Variants in FAM13A observed in about 807,000 individuals in gnomAD.
FAM13A encodes protein FAM13A.
A neutral mutation model predicts 129.6 loss-of-function variants in FAM13A; 76 were observed. The ratio of observed to expected loss-of-function variants is 0.59; its 90% CI spans 0.49 to 0.71. The LOEUF is 0.71. Ranked by LOEUF, FAM13A falls within the 30% of genes least tolerant of loss-of-function variation. FAM13A has a pLI of 0.00. For missense variants in FAM13A, 1,108 were observed against 1,249.3 expected, an observed-to-expected ratio of 0.89 and a Z score of 1.70; for synonymous variants, 443 against 449.9, an observed-to-expected ratio of 0.98 and a Z score of 0.20.
intron 14 of FAM13A, among the ~76,000 whole-genome samples, chr4:88,757,523 A>C (rs774893256): frequency 1.8e-4 from 28 of 152,230 alleles, no homozygotes; most frequent in Non-Finnish European, 3.4e-4. Context: ...AAATGAAAGA[A>C]CAGAAAGGTA....
At chr4:89,001,279 G>A (rs1324311742) in intron 3 of FAM13A, among the ~76,000 whole-genome samples, 1 of 152,158 alleles carries the variant, frequency 6.6e-6, no homozygotes, top group East Asian at 1.9e-4. Flanking sequence ...TGGGTTTCCT[G>A]CCACCAGATT....
At chr4:88,852,548 A>C (rs59812780) in intron 6 of FAM13A, among the ~76,000 whole-genome samples, 12,635 of 152,150 alleles carry the variant, frequency 0.083, 851 homozygotes, top group African/African-American at 0.19. Flanking sequence ...ACATTGCCTG[A>C]TACTTTAATC....
chr4:88,854,688 T>C (rs1738197829), intron 6 of FAM13A, among the ~76,000 whole-genome samples: 1 of 152,218 alleles, frequency 6.6e-6, no homozygotes, highest in Non-Finnish European at 1.5e-5. Context: ...CGCTGTGTGA[T>C]TTATGTGTAC....
chr4:89,050,261 G>A (rs938916246), intron 1 of FAM13A, among the ~76,000 whole-genome samples: 1 of 151,818 alleles, frequency 6.6e-6, no homozygotes, highest in African/African-American at 2.4e-5. Flanking sequence ...ACCCATGCTG[G>A]AGTGCAGTGG....
At chr4:88,760,321 G>GTATATC (rs1231330195) in intron 13 of FAM13A, among the ~76,000 whole-genome samples, 13,746 of 105,062 alleles carry the variant, frequency 0.13, 5,312 homozygotes, top group Non-Finnish European at 0.22. Context: ...GAAATGCCAA[G>GTATATC]TGGCCGGGCG....
intron 8 of FAM13A, among the ~76,000 whole-genome samples, chr4:88,797,916 C>T (rs1027722389): frequency 5.9e-5 from 9 of 152,160 alleles, no homozygotes; most frequent in African/African-American, 1.9e-4. Context: ...TGCTTTTATG[C>T]TGAGTCATTG....
chr4:88,818,757 A>C (rs556440666), intron 7 of FAM13A, among the ~76,000 whole-genome samples: 1 of 152,328 alleles, frequency 6.6e-6, no homozygotes, highest in East Asian at 1.9e-4. Context: ...GGGAGAGGGC[A>C]GTGCCAGGAG....
intron 11 of FAM13A, among the ~76,000 whole-genome samples, chr4:88,773,424 G>A (rs1298646165): frequency 6.6e-6 from 1 of 152,146 alleles, no homozygotes; most frequent in East Asian, 1.9e-4. Context: ...CATCAAGGTA[G>A]CTGTGGGTTA....
intron 6 of FAM13A, among the ~76,000 whole-genome samples, chr4:88,893,596 C>T (rs556179110): frequency 6.7e-6 from 1 of 149,594 alleles, no homozygotes; most frequent in Non-Finnish European, 1.5e-5. Flanking sequence ...GCACTCCAGC[C>T]TGGGCGACAG....
intron 19 of FAM13A, among the ~76,000 whole-genome samples, chr4:88,739,967 T>C (rs1739885973): frequency 6.6e-6 from 1 of 152,074 alleles, no homozygotes; most frequent in Non-Finnish European, 1.5e-5. Context: ...GGCTAAAAAA[T>C]GTTTAAAGGA....
intron 4 of FAM13A, among the ~76,000 whole-genome samples, chr4:88,986,322 T>C (rs919497099): frequency 6.6e-6 from 1 of 152,064 alleles, no homozygotes; most frequent in East Asian, 1.9e-4. Flanking sequence ...TTAGTAGAGA[T>C]GTGGTTTCAC....
chr4:89,031,715 T>A (rs1448656304), intron 1 of FAM13A, among the ~76,000 whole-genome samples: 2 of 152,222 alleles, frequency 1.3e-5, no homozygotes, highest in African/African-American at 4.8e-5. Flanking sequence ...GTTACTTTTT[T>A]AAAAGGGAAA....
At chr4:88,731,039 G>A (rs1034295912) in intron 23 of FAM13A, among the ~76,000 whole-genome samples, 1 of 152,210 alleles carries the variant, frequency 6.6e-6, no homozygotes, top group Non-Finnish European at 1.5e-5. Flanking sequence ...GCTGCTCATT[G>A]TAGATAAGAA....
At chr4:89,045,967 T>C (rs1240203391) in intron 1 of FAM13A, among the ~76,000 whole-genome samples, 1 of 145,374 alleles carries the variant, frequency 6.9e-6, no homozygotes, top group African/African-American at 2.6e-5. Flanking sequence ...GAGGTTGCAG[T>C]GAGCCAAGAT....
intron 4 of FAM13A, among the ~76,000 whole-genome samples, chr4:88,957,328 C>CAAAAAAAAAAAAAAA: frequency 6.9e-6 from 1 of 144,720 alleles, no homozygotes; most frequent in East Asian, 2.0e-4. Context: ...GACTCTGTCT[C>CAAAAAAAAAAAAAAA]AAAAAAAAAA....
chr4:88,851,459 G>C (rs1244918318), intron 6 of FAM13A, among the ~76,000 whole-genome samples: 1 of 151,638 alleles, frequency 6.6e-6, no homozygotes, highest in Non-Finnish European at 1.5e-5. Context: ...ATCTTCCCCA[G>C]GCCCACCCCT....
Position 88,922,844 on chromosome 4 carries a change from G to A in FAM13A, c.759+15244C>T, listed in dbSNP as rs934107112. On this transcript the variant is annotated intron_variant, in intron 5 of 23. Transcript: ENST00000264344. ...AAAAAGAGAGAAGAATCAAATAGAC[G>A]CAATAAAAAATGATAAAGGGGATAT... Among the ~76,000 whole-genome samples the A allele has an allele frequency of 1.6e-4, 24 of 152,014 alleles. 1 individual carries two copies. The highest frequency in any genetic ancestry group is 7.7e-4 in the East Asian group (4 of 5,170).
rs551675318 is a variant in FAM13A at position 88,810,053 on chromosome 4, A to G, written c.1008-5001T>C. Among the ~76,000 whole-genome samples the G allele has an allele frequency of 2.8e-4, 42 of 152,240 alleles. No homozygotes were observed. The South Asian group carries it at 3.7e-3, about 14-fold the overall frequency. Reference sequence around the variant, plus strand: ...AACACAACTCTTAGCCAGTAGAAATACAAATTATTGCAGTTCAAGGGCAAA... The same window carrying G: ...AACACAACTCTTAGCCAGTAGAAATGCAAATTATTGCAGTTCAAGGGCAAA... On this transcript the variant is annotated intron_variant, in intron 7 of 23. Coordinates refer to ENST00000264344, the MANE Select transcript of FAM13A (RefSeq NM_014883.4).
At chr4:88,907,302 A>G (rs761385540) in intron 5 of FAM13A, among the ~76,000 whole-genome samples, 1 of 152,202 alleles carries the variant, frequency 6.6e-6, no homozygotes, top group Non-Finnish European at 1.5e-5. Context: ...CACTTATTCC[A>G]TAATCCTCCA....
Sources: allele counts gnomAD v4.1 joint callset (sites outside exome capture counted in the v4.1 genomes callset), GRCh38; gene constraint gnomAD v4.1.1; transcripts MANE v1.5; gene names NCBI Gene and HGNC (gene_info 2026-07-23, HGNC 2026-07-21).